GLS: variants seen among roughly 807,000 people sequenced by gnomAD.
GLS encodes the protein glutaminase.
GLS carries 36 observed loss-of-function variants against 86.7 expected under a neutral mutation model. The ratio of observed to expected loss-of-function variants is 0.42; its 90% CI spans 0.32 to 0.55. The LOEUF is 0.55. Ranked by LOEUF, GLS falls within the 20% of genes least tolerant of loss-of-function variation. The probability of loss-of-function intolerance (pLI) is 0.17; values close to 1 mark genes in which losing one functional copy is unlikely to be tolerated. For missense variants in GLS, 528 were observed against 833.4 expected, an observed-to-expected ratio of 0.63 and a Z score of 4.51; for synonymous variants, 317 against 305.9, an observed-to-expected ratio of 1.04 and a Z score of -0.38.
chr2:190,940,309 A>G (rs192796426), intron 14 of GLS, among the ~76,000 whole-genome samples: 51 of 152,160 alleles, frequency 3.4e-4, no homozygotes, highest in Non-Finnish European at 4.4e-4. Context: ...CTAATGCACA[A>G]TGAAACTTCA....
rs114116444 is a variant in GLS at position 190,946,170 on chromosome 2, A to G, written c.1651-7395A>G. Among the ~76,000 whole-genome samples the G allele has an allele frequency of 3.1e-3, 467 of 152,288 alleles. 4 individuals are homozygous for G. The highest frequency in any genetic ancestry group is 0.011 in the African/African-American group (440 of 41,554). ...ATCTTCAATCACATACACAATACAC[A>G]GGTTTACTTTTACCCTTGGGCAAGG... On this transcript the variant is annotated intron_variant, in intron 14 of 17. Coordinates refer to ENST00000320717, the MANE Select transcript of GLS (RefSeq NM_014905.5).
intron 1 of GLS, among the ~76,000 whole-genome samples, chr2:190,885,275 T>A (rs2125973110): frequency 6.6e-6 from 1 of 151,944 alleles, no homozygotes; most frequent in South Asian, 2.1e-4. Flanking sequence ...CACTGCAACC[T>A]CTGCCTCCCG....
intron 12 of GLS, among the ~76,000 whole-genome samples, chr2:190,928,703 G>A (rs1192345424): frequency 8.1e-6 from 1 of 123,676 alleles, no homozygotes; most frequent in African/African-American, 2.6e-5. Context: ...ATTGGGTTTT[G>A]TCTCCTTTTT....
At position 190,936,170 on chromosome 2, in the gene GLS, T is replaced by A. The variant is rs1040389625; in HGVS notation, c.1650+4533T>A. 7.9e-5 allele frequency among the ~76,000 whole-genome samples: 12 copies of A among 151,110 alleles called. 1 individual carries two copies. The highest frequency in any genetic ancestry group is 2.1e-4 in the South Asian group (1 of 4,822). ...GATTACTTGCTTTTAAAGATTTTTT[T>A]AAAAAATTTATTTGAAGTAAAGAGA... On this transcript the variant is annotated intron_variant, in intron 14 of 17. Transcript: ENST00000320717.
In GLS at chr2:190,881,414, G is replaced by T; in HGVS notation, c.330G>T (p.Gly110=). ...CGCCCGGCCCCAAGGACGGCCCCGG[G>T]GAGACGGACGCGTTTGGCAACAGCG... ...PAAPGPKDGP[G]ETDAFGNSEG... The change falls in exon 1 of 18, where the codon GGG becomes GGT. Residue 110 remains glycine, a synonymous_variant. Coordinates refer to ENST00000320717, the MANE Select transcript of GLS (RefSeq NM_014905.5). 1 of 1,545,438 alleles carries T rather than the reference G, an allele frequency of 6.5e-7. No individual in the cohort carries two copies. The highest frequency in any genetic ancestry group is 8.7e-7 in the Non-Finnish European group (1 of 1,145,260).
Position 190,921,120 on chromosome 2 carries a change from A to G in GLS, c.1072-25A>G. Reference sequence around the variant, plus strand: ...TCTATATATTTGTTTTTTGATTACTAATATTCCCTACTTTTGGTTTCTAGG... The same window carrying G: ...TCTATATATTTGTTTTTTGATTACTGATATTCCCTACTTTTGGTTTCTAGG... On this transcript the variant is annotated intron_variant, in intron 8 of 17. Coordinates refer to ENST00000320717, the MANE Select transcript of GLS (RefSeq NM_014905.5). The surrounding 1 kb of genome is among the most constrained non-coding windows in gnomAD (Gnocchi z 4.2). The G allele has an allele frequency of 2.5e-6, 4 of 1,590,106 alleles. No homozygotes were observed. Among genetic ancestry groups the G allele is most frequent in the East Asian group, 2.2e-5 (1 of 44,594 alleles).
At chr2:190,892,922 T>A (rs1688611084) in intron 1 of GLS, among the ~76,000 whole-genome samples, 1 of 152,234 alleles carries the variant, frequency 6.6e-6, no homozygotes, top group Non-Finnish European at 1.5e-5. Context: ...CATTTTAATT[T>A]TTTTTCACTA....
In GLS at chr2:190,905,319, A is replaced by G; in HGVS notation, c.979+152A>G. On this transcript the variant is annotated intron_variant, in intron 6 of 17. Transcript: ENST00000320717. The surrounding 1 kb of genome is among the most constrained non-coding windows in gnomAD (Gnocchi z 4.6). Reference sequence around the variant, plus strand: ...GAGAGAGTTTCATCACCTACTTTTAAAAATGATTATTTTAGGCATCTCATA... The same window carrying G: ...GAGAGAGTTTCATCACCTACTTTTAGAAATGATTATTTTAGGCATCTCATA... The G allele has an allele frequency of 1.7e-6, 1 of 575,700 alleles. No homozygotes were observed. The highest frequency in any genetic ancestry group is 3.0e-6 in the Non-Finnish European group (1 of 330,178). 35.7% of individuals were successfully genotyped at this position (575,700 alleles called of 1,614,324 possible). A position where few individuals can be genotyped will look rare whatever the true frequency, so the allele number is the denominator to read the frequency against.
At chr2:190,931,510 A>C (rs1367816230) in intron 13 of GLS, 35 bp from the exon 14 acceptor site, 2 of 952,952 alleles carry the variant, frequency 2.1e-6, no homozygotes, top group African/African-American at 3.3e-5. Flanking sequence ...ATGAATAGCC[A>C]ATTTCTTATA....
At chr2:190,939,906 C>T (rs544430339) in intron 14 of GLS, among the ~76,000 whole-genome samples, 7 of 151,696 alleles carry the variant, frequency 4.6e-5, no homozygotes, top group African/African-American at 1.7e-4. Flanking sequence ...ATCTAAATTT[C>T]AAATATTCTA....
intron 14 of GLS, chr2:190,933,740 G>A (rs1690182517): frequency 1.2e-6 from 1 of 807,260 alleles, no homozygotes; most frequent in South Asian, 5.7e-5. Context: ...GCAAATTTTG[G>A]TTTTTAGCTT....
intron 1 of GLS, among the ~76,000 whole-genome samples, chr2:190,887,027 A>G (rs1457627121): frequency 6.6e-6 from 1 of 152,202 alleles, no homozygotes; most frequent in Non-Finnish European, 1.5e-5. Context: ...TAATTATAGA[A>G]TTTGTGTGAG....
At chr2:190,933,898 G>A (rs1054688952) in intron 14 of GLS, 9 of 915,826 alleles carry the variant, frequency 9.8e-6, no homozygotes, top group Non-Finnish European at 1.2e-5. Context: ...ACTAAAATAC[G>A]TTAGATCTAA....
chr2:190,896,834 C>T (rs1423638278), intron 3 of GLS, among the ~76,000 whole-genome samples: 1 of 152,086 alleles, frequency 6.6e-6, no homozygotes, highest in Non-Finnish European at 1.5e-5. Context: ...AACATCATTT[C>T]TAAATTTATT....
chr2:190,925,324 G>T (rs1432059780), intron 11 of GLS, among the ~76,000 whole-genome samples: 1 of 151,974 alleles, frequency 6.6e-6, no homozygotes, highest in Non-Finnish European at 1.5e-5. Flanking sequence ...CTCTATCCTG[G>T]CTTAACTGGT....
intron 6 of GLS, among the ~76,000 whole-genome samples, chr2:190,909,593 G>A (rs1689287280): frequency 6.6e-6 from 1 of 152,204 alleles, no homozygotes; most frequent in Non-Finnish European, 1.5e-5. Context: ...TGCAGTGAAT[G>A]AGAATATAAT....
At position 190,962,845 on chromosome 2, in the gene GLS, C is replaced by T; in HGVS notation, c.1869C>T (p.Pro623=). ...PFPKDRWNNT[P]MDEALHFGHH... ...ACGTGTTTAGGTGGAATAACACTCC[C>T]ATGGATGAAGCACTGCACTTTGGAC... The change falls in exon 18 of 18, where the codon CCC becomes CCT. Residue 623 remains proline, a synonymous_variant. Transcript: ENST00000320717. The surrounding 1 kb of genome is among the most constrained non-coding windows in gnomAD (Gnocchi z 4.2). 1 of 1,562,556 alleles carries T rather than the reference C, an allele frequency of 6.4e-7. No individual in the cohort carries two copies. Among genetic ancestry groups the T allele is most frequent in the Non-Finnish European group, 8.6e-7 (1 of 1,160,102 alleles).
chr2:190,907,163 A>T (rs1368466973), intron 6 of GLS, among the ~76,000 whole-genome samples: 2 of 151,790 alleles, frequency 1.3e-5, no homozygotes, highest in Non-Finnish European at 2.9e-5. Context: ...TGACCTCGTG[A>T]TCTGCCCGCC....
intron 5 of GLS, 64 bp from the exon 6 acceptor site, chr2:190,904,940 C>A: frequency 1.1e-6 from 1 of 907,464 alleles, no homozygotes; most frequent in Non-Finnish European, 1.8e-6. Flanking sequence ...AAGAATAATT[C>A]CAACTATGCA....
Sources: gnomAD v4.1 joint callset for allele counts (sites outside exome capture counted in the v4.1 genomes callset) on GRCh38, gnomAD v4.1.1 for gene constraint, Gnocchi (gnomAD v3.1) non-coding constraint, MANE v1.5 for transcripts, NCBI Gene and HGNC (gene_info 2026-07-23, HGNC 2026-07-21) for gene names.